Variants in NFIB observed in about 807,000 individuals in gnomAD.
NFIB encodes nuclear factor 1 B-type.
NFIB carries 11 observed loss-of-function variants against 61.5 expected under a neutral mutation model. That is an observed-to-expected ratio of 0.18 (90% CI 0.11 to 0.30). NFIB has a LOEUF of 0.30. Among genes scored for constraint, NFIB ranks in the 10% least tolerant of loss-of-function variants. The pLI is 1.00. For synonymous variants in NFIB, 260 were observed against 216.5 expected, an observed-to-expected ratio of 1.20 and a Z score of -1.76; for missense variants, 471 against 608.9, an observed-to-expected ratio of 0.77 and a Z score of 2.38.
At chr9:14,157,783 T>C (rs1312633924) in intron 3 of NFIB, among the ~76,000 whole-genome samples, 1 of 152,188 alleles carries the variant, frequency 6.6e-6, no homozygotes, top group African/African-American at 2.4e-5. Flanking sequence ...TTGTTGCTTT[T>C]GTTATTGTTT....
chr9:14,184,582 T>C (rs766196329), intron 2 of NFIB, among the ~76,000 whole-genome samples: 1 of 152,180 alleles, frequency 6.6e-6, no homozygotes, highest in African/African-American at 2.4e-5. Flanking sequence ...GTGTTAAATA[T>C]ATATGACAAT....
At chr9:14,164,528 T>C (rs1467536574) in intron 3 of NFIB, among the ~76,000 whole-genome samples, 1 of 152,196 alleles carries the variant, frequency 6.6e-6, no homozygotes, top group Non-Finnish European at 1.5e-5. Flanking sequence ...CACTGCCATA[T>C]GTAATCTGTC....
intron 1 of NFIB, among the ~76,000 whole-genome samples, chr9:14,393,641 A>G (rs2061650486): frequency 6.6e-6 from 1 of 152,220 alleles, no homozygotes; most frequent in South Asian, 2.1e-4. Flanking sequence ...AATGTCATCC[A>G]AAAAACTAAC....
At chr9:14,134,913 A>AAAAAAAAAAAAAAAAAAAAAG (rs1011872669) in intron 6 of NFIB, among the ~76,000 whole-genome samples, 16 of 133,306 alleles carry the variant, frequency 1.2e-4, no homozygotes, top group East Asian at 2.2e-4. Flanking sequence ...AAAAAAAAAA[A>AAAAAAAAAAAAAAAAAAAAAG]AAAAAAAGGA....
chr9:14,443,859 T>C, the NFIB span, among the ~76,000 whole-genome samples: 1 of 152,188 alleles, frequency 6.6e-6, no homozygotes, highest in Admixed American at 6.5e-5. Context: ...ACCTAACATG[T>C]GGGAGGTCCT....
intron 10 of NFIB, among the ~76,000 whole-genome samples, chr9:14,111,233 T>G: frequency 6.6e-6 from 1 of 152,290 alleles, no homozygotes; most frequent in Middle Eastern, 3.4e-3. Flanking sequence ...TTGATATATT[T>G]TTAGATATGT....
chr9:14,351,607 T>G (rs2061113485), intron 1 of NFIB, among the ~76,000 whole-genome samples: 1 of 152,220 alleles, frequency 6.6e-6, no homozygotes, highest in Non-Finnish European at 1.5e-5. Flanking sequence ...TGTACTTGCT[T>G]TAGAACTTAT....
intron 3 of NFIB, among the ~76,000 whole-genome samples, chr9:14,172,335 A>G (rs1156667120): frequency 6.6e-6 from 1 of 152,220 alleles, no homozygotes; most frequent in Non-Finnish European, 1.5e-5. Context: ...AATCAGTGAA[A>G]TAAGAGGCAG....
intron 2 of NFIB, among the ~76,000 whole-genome samples, chr9:14,243,086 G>C (rs1419858243): frequency 6.6e-6 from 1 of 152,144 alleles, no homozygotes; most frequent in African/African-American, 2.4e-5. Context: ...CAATAGTTAT[G>C]TAAAGAGATA....
intron 5 of NFIB, among the ~76,000 whole-genome samples, chr9:14,149,905 A>G (rs966382393): frequency 2.0e-5 from 3 of 152,188 alleles, no homozygotes; most frequent in African/African-American, 7.2e-5. Flanking sequence ...AAGTCATATT[A>G]ATATATTTTC....
chr9:14,390,575 T>G (rs554337827), intron 1 of NFIB, among the ~76,000 whole-genome samples: 1 of 152,376 alleles, frequency 6.6e-6, no homozygotes, highest in African/African-American at 2.4e-5. Context: ...AATTTTTGTG[T>G]CCTCCCAAAA....
intron 2 of NFIB, among the ~76,000 whole-genome samples, chr9:14,209,652 G>A (rs1286207613): frequency 6.6e-6 from 1 of 152,204 alleles, no homozygotes; most frequent in Non-Finnish European, 1.5e-5. Flanking sequence ...ACGCTTTGCT[G>A]CGCAATCAGA....
intron 2 of NFIB, among the ~76,000 whole-genome samples, chr9:14,222,972 G>A (rs556177791): frequency 6.6e-6 from 1 of 151,908 alleles, no homozygotes; most frequent in Non-Finnish European, 1.5e-5. Context: ...TAAATCAGGG[G>A]TGTCCAATCT....
At chr9:14,529,240 A>G in the NFIB span, among the ~76,000 whole-genome samples, 1,958 of 152,270 alleles carry the variant, frequency 0.013, 45 homozygotes, top group African/African-American at 0.044. Flanking sequence ...TTTCCCTGTC[A>G]AGTAGAATTT....
intron 2 of NFIB, among the ~76,000 whole-genome samples, chr9:14,233,712 G>C (rs909994729): frequency 2.6e-5 from 4 of 152,174 alleles, no homozygotes; most frequent in Admixed American, 1.3e-4. Flanking sequence ...TTACAGGCGT[G>C]AACCACTGGG....
At chr9:14,247,836 G>C (rs1290680355) in intron 2 of NFIB, among the ~76,000 whole-genome samples, 1 of 151,994 alleles carries the variant, frequency 6.6e-6, no homozygotes, top group African/African-American at 2.4e-5. Flanking sequence ...CTAAAAGCAG[G>C]AACAGGGTGT....
chr9:14,232,913 C>G (rs1013134654), intron 2 of NFIB, among the ~76,000 whole-genome samples: 1 of 152,200 alleles, frequency 6.6e-6, no homozygotes, highest in African/African-American at 2.4e-5. Context: ...GCAGAGGTCT[C>G]TAAAGCAGAG....
intron 2 of NFIB, among the ~76,000 whole-genome samples, chr9:14,230,746 C>T (rs937798809): frequency 6.6e-6 from 1 of 152,008 alleles, no homozygotes; most frequent in Admixed American, 6.6e-5. Context: ...GTTGTACAGA[C>T]GATGAGGCAG....
chr9:14,467,118 G>A, the NFIB span, among the ~76,000 whole-genome samples: 1 of 152,198 alleles, frequency 6.6e-6, no homozygotes, highest in Non-Finnish European at 1.5e-5. Flanking sequence ...GGTGTTGGGT[G>A]GTGGGGGAAT....
Sources: gnomAD v4.1 joint callset for allele counts (sites outside exome capture counted in the v4.1 genomes callset) on GRCh38, gnomAD v4.1.1 for gene constraint, MANE v1.5 for transcripts, NCBI Gene and HGNC (gene_info 2026-07-23, HGNC 2026-07-21) for gene names.